Variants in WASF3 observed in about 807,000 individuals in gnomAD.
WASF3 encodes the protein actin-binding protein WASF3.
A neutral mutation model predicts 46.6 loss-of-function variants in WASF3; 11 were observed. That is an observed-to-expected ratio of 0.24 (90% confidence interval 0.15 to 0.39). WASF3 has a LOEUF of 0.39. Among genes scored for constraint, WASF3 ranks in the 10% least tolerant of loss-of-function variants. The pLI is 1.00. For synonymous variants in WASF3, 242 were observed against 259.7 expected, an observed-to-expected ratio of 0.93 and a Z score of 0.65; for missense variants, 576 against 669.8, an observed-to-expected ratio of 0.86 and a Z score of 1.55.
At chr13:26,635,580 A>G (rs933599999) in intron 2 of WASF3, among the ~76,000 whole-genome samples, 2 of 152,228 alleles carry the variant, frequency 1.3e-5, no homozygotes, top group African/African-American at 2.4e-5. Flanking sequence ...TCTGGTTTTT[A>G]GAATTTTCAG....
intron 1 of WASF3, among the ~76,000 whole-genome samples, chr13:26,565,979 A>G (rs1370355518): frequency 6.6e-6 from 1 of 152,214 alleles, no homozygotes; most frequent in Non-Finnish European, 1.5e-5. Flanking sequence ...ATTTGAAATA[A>G]TTGTGTAGGG....
At chr13:26,666,812 T>C (rs1265359419) in intron 4 of WASF3, among the ~76,000 whole-genome samples, 2 of 129,752 alleles carry the variant, frequency 1.5e-5, no homozygotes, top group Non-Finnish European at 3.1e-5. Context: ...GGCAGGAGAA[T>C]GGCACGAACC....
intron 7 of WASF3, among the ~76,000 whole-genome samples, chr13:26,677,792 T>G (rs1883110512): frequency 6.6e-6 from 1 of 152,240 alleles, no homozygotes; most frequent in Non-Finnish European, 1.5e-5. Context: ...CTGCTCATAG[T>G]TCTTTGGGTG....
chr13:26,633,577 G>A (rs1662159607), intron 2 of WASF3, among the ~76,000 whole-genome samples: 1 of 152,098 alleles, frequency 6.6e-6, no homozygotes, highest in Non-Finnish European at 1.5e-5. Flanking sequence ...TTTTAATTGT[G>A]ATGTTAGGGT....
intron 3 of WASF3, among the ~76,000 whole-genome samples, chr13:26,647,551 T>C (rs1882186267): frequency 1.3e-5 from 2 of 152,204 alleles, no homozygotes; most frequent in Non-Finnish European, 2.9e-5. Flanking sequence ...AGATTCCTAC[T>C]GGTATTATGA....
chr13:26,574,905 C>T (rs753799512), intron 1 of WASF3, among the ~76,000 whole-genome samples: 13 of 150,408 alleles, frequency 8.6e-5, no homozygotes, highest in East Asian at 2.0e-4. Context: ...GGTGCGATCT[C>T]GGCTCACTGC....
intron 2 of WASF3, among the ~76,000 whole-genome samples, chr13:26,617,578 T>C (rs911830215): frequency 2.6e-5 from 4 of 152,342 alleles, no homozygotes; most frequent in African/African-American, 9.6e-5. Flanking sequence ...CTGCATAAAC[T>C]GGCTGTGTGG....
At chr13:26,577,628 A>C in intron 1 of WASF3, 1 of 1,200,860 alleles carries the variant, frequency 8.3e-7, no homozygotes, top group Non-Finnish European at 1.2e-6. Flanking sequence ...GACAGGTGCT[A>C]AAGTTGAATG....
At chr13:26,611,980 G>T (rs1880995670) in intron 1 of WASF3, among the ~76,000 whole-genome samples, 1 of 152,008 alleles carries the variant, frequency 6.6e-6, no homozygotes, top group Non-Finnish European at 1.5e-5. Context: ...TAATGAAATG[G>T]CACAGTTATC....
rs71080285 is a variant in WASF3, at chr13:26,660,194, G to GT, written c.134-4799dup. Among the ~76,000 whole-genome samples the GT allele has an allele frequency of 4.7e-3, 202 of 43,358 alleles. 6 individuals are homozygous for GT. Among genetic ancestry groups the GT allele is most frequent in the African/African-American group, 0.013 (172 of 13,430 alleles). The allele number at this position is 43,358 out of a possible 152,430, so 28.4% of individuals were successfully genotyped here. On this transcript the variant is annotated intron_variant, in intron 3 of 9. Coordinates refer to ENST00000335327, the MANE Select transcript of WASF3 (RefSeq NM_006646.6). ...GTAATTAGCTTTTGTTTTTTGTTTG[G>GT]TTTTTTTTTTTTTTTTTTTTTTTTT... is the stretch of plus-strand genomic sequence containing the variant.
chr13:26,623,308 G>C (rs1593154242), intron 2 of WASF3, among the ~76,000 whole-genome samples: 1 of 152,160 alleles, frequency 6.6e-6, no homozygotes, highest in Admixed American at 6.5e-5. Context: ...GGTAATCTCA[G>C]CTGCCACTGG....
intron 1 of WASF3, among the ~76,000 whole-genome samples, chr13:26,605,234 T>C (rs1880757519): frequency 6.6e-6 from 1 of 152,260 alleles, no homozygotes; most frequent in Admixed American, 6.5e-5. Flanking sequence ...CTGAATAGCT[T>C]CTTTACTTGG....
At position 26,603,850 on chromosome 13, in the gene WASF3, T is replaced by G. The variant is rs545485514; in HGVS notation, c.-108-9111T>G. On this transcript the variant is annotated intron_variant, in intron 1 of 9. Coordinates refer to ENST00000335327, the MANE Select transcript of WASF3 (RefSeq NM_006646.6). The stretch of plus-strand genomic sequence containing the variant: ...AGACATTTGTCTACCAGGTGATTCA[T>G]AGGTGGCATGATAAACAGTAGTTTA... 2.0e-5 allele frequency among the ~76,000 whole-genome samples: 3 copies of G among 152,220 alleles called. No individual in the cohort carries two copies. The South Asian group carries it at 6.2e-4, about 32-fold the overall frequency.
At chr13:26,658,123 G>A (rs1013011350) in intron 3 of WASF3, among the ~76,000 whole-genome samples, 1 of 16,894 alleles carries the variant, frequency 5.9e-5, no homozygotes, top group Non-Finnish European at 1.5e-4. Flanking sequence ...ACTTTTGCAA[G>A]AGGCTATTGT....
intron 1 of WASF3, among the ~76,000 whole-genome samples, chr13:26,584,664 G>GA (rs911317028): frequency 6.6e-6 from 1 of 152,160 alleles, no homozygotes; most frequent in Non-Finnish European, 1.5e-5. Flanking sequence ...TTAAAATAAG[G>GA]AATTTGTAAA....
At chr13:26,613,639 A>T (rs928157693) in intron 2 of WASF3, among the ~76,000 whole-genome samples, 1 of 152,092 alleles carries the variant, frequency 6.6e-6, no homozygotes, top group Non-Finnish European at 1.5e-5. Flanking sequence ...GTGTGGTGGC[A>T]TGTGCCTGTA....
At chr13:26,606,274 C>T (rs141224060) in intron 1 of WASF3, among the ~76,000 whole-genome samples, 82 of 152,104 alleles carry the variant, frequency 5.4e-4, no homozygotes, top group African/African-American at 1.9e-3. Flanking sequence ...AGCAAGTTCT[C>T]CATCTGGAGC....
intron 9 of WASF3, among the ~76,000 whole-genome samples, chr13:26,684,813 G>A (rs1473423149): frequency 6.6e-6 from 1 of 152,122 alleles, no homozygotes; most frequent in African/African-American, 2.4e-5. Flanking sequence ...ATATGGGAAT[G>A]TTTTTCTGCT....
At chr13:26,540,614 G>T in the WASF3 span, among the ~76,000 whole-genome samples, 1 of 152,348 alleles carries the variant, frequency 6.6e-6, no homozygotes, top group East Asian at 1.9e-4. Flanking sequence ...GCTTGGAATT[G>T]AGTAGGATTA....
Sources: gnomAD v4.1 joint callset for allele counts (sites outside exome capture counted in the v4.1 genomes callset) on GRCh38, gnomAD v4.1.1 for gene constraint, MANE v1.5 for transcripts, NCBI Gene and HGNC (gene_info 2026-07-23, HGNC 2026-07-21) for gene names.